The following CSPP1 variants were observed in gnomAD, a reference collection of about 807,000 sequenced individuals.
The protein encoded by CSPP1 is centrosome and spindle pole associated protein 1.
Under a neutral mutation model 164.4 loss-of-function variants are expected in CSPP1, and 126 were observed. The observed-to-expected ratio is 0.77, with a 90% CI of 0.66 to 0.89. The LOEUF (loss-of-function observed/expected upper bound fraction) is 0.89, where lower values mean the gene tolerates loss of function less well. Ranked by LOEUF, CSPP1 falls within the 40% of genes least tolerant of loss-of-function variation. The probability of loss-of-function intolerance (pLI) is 0.00; values close to 1 mark genes in which losing one functional copy is unlikely to be tolerated. For synonymous variants in CSPP1, 472 were observed against 476.7 expected (o/e 0.99, Z 0.13); for missense variants, 1,395 against 1,449.8 (o/e 0.96, Z 0.61).
intron 9 of CSPP1, among the ~76,000 whole-genome samples, chr8:67,106,383 G>C (rs149384276): frequency 2.6e-5 from 4 of 151,810 alleles, no homozygotes; most frequent in Admixed American, 6.6e-5. Flanking sequence ...CAGTGTGGCT[G>C]TTTCTTTTCT....
At position 67,142,344 on chromosome 8, in the gene CSPP1, A is replaced by G. The variant is rs716891; in HGVS notation, c.1975+4741A>G. 6.2e-4 allele frequency among the ~76,000 whole-genome samples: 94 copies of G among 152,324 alleles called. 2 individuals are homozygous for G. Among genetic ancestry groups the G allele is most frequent in the South Asian group, 6.0e-3 (29 of 4,830 alleles). On this transcript the variant is annotated intron_variant, in intron 17 of 30. Coordinates refer to ENST00000678616, the MANE Select transcript of CSPP1 (RefSeq NM_001382391.1). Reference sequence around the variant, plus strand: ...GGTATCTCATAGTTCCAATTGATTAACAGGATGATTAGTTAGTCAGTTCTC... The same window carrying G: ...GGTATCTCATAGTTCCAATTGATTAGCAGGATGATTAGTTAGTCAGTTCTC...
At chr8:67,185,962 T>G (rs1403411223) in intron 28 of CSPP1, among the ~76,000 whole-genome samples, 2 of 152,136 alleles carry the variant, frequency 1.3e-5, no homozygotes, top group Non-Finnish European at 2.9e-5. Context: ...CCTTTGCACT[T>G]AAAGCAAAAA....
At chr8:67,074,871 C>T (rs1585839584) in intron 2 of CSPP1, 1 of 219,178 alleles carries the variant, frequency 4.6e-6, no homozygotes, top group South Asian at 5.0e-5. Context: ...ACCTCCGCCT[C>T]CCAGGCTCAA....
At chr8:67,175,627 G>C in intron 26 of CSPP1, 191 bp downstream of exon 26, 1 of 711,330 alleles carries the variant, frequency 1.4e-6, no homozygotes. Flanking sequence ...GCTCCACTAG[G>C]GTGGTGTATT....
chr8:67,177,966 G>A (rs534199574), intron 27 of CSPP1, among the ~76,000 whole-genome samples: 5 of 152,266 alleles, frequency 3.3e-5, no homozygotes, highest in South Asian at 2.1e-4. Flanking sequence ...TTTTAGCTGC[G>A]TGACTTAGGG....
chr8:67,145,616 C>T (rs1017418782), intron 17 of CSPP1, among the ~76,000 whole-genome samples: 1 of 151,750 alleles, frequency 6.6e-6, no homozygotes, highest in African/African-American at 2.4e-5. Flanking sequence ...CTCCGCCTCC[C>T]GGGTTCAAGT....
chr8:67,123,713 G>A (rs1395270698), intron 15 of CSPP1, among the ~76,000 whole-genome samples: 1 of 150,048 alleles, frequency 6.7e-6, no homozygotes. Flanking sequence ...CTGGGCTCAA[G>A]CAATCCTTCC....
intron 28 of CSPP1, among the ~76,000 whole-genome samples, chr8:67,190,394 G>A (rs987454812): frequency 6.6e-5 from 10 of 152,050 alleles, no homozygotes; most frequent in Non-Finnish European, 1.5e-4. Context: ...GTGTTTGCCC[G>A]GGGCCAGCAG....
At chr8:67,173,160 G>A (rs554618972) in intron 25 of CSPP1, among the ~76,000 whole-genome samples, 61 of 152,188 alleles carry the variant, frequency 4.0e-4, no homozygotes, top group Non-Finnish European at 7.6e-4. Flanking sequence ...GGGATCAGGA[G>A]CTGGAAGAGT....
Position 67,131,935 on chromosome 8 carries a change from T to C in CSPP1, c.1698-16T>C. 2 of 1,571,662 alleles carry C rather than the reference T, an allele frequency of 1.3e-6. No homozygotes were observed. Among genetic ancestry groups the C allele is most frequent in the Non-Finnish European group, 1.7e-6 (2 of 1,157,474 alleles). On this transcript the variant is annotated splice_polypyrimidine_tract_variant and intron_variant, in intron 15 of 30. Transcript: ENST00000678616. The stretch of plus-strand genomic sequence containing the variant: ...TCGTCAATGGATTTAAATTATTTAT[T>C]GTGTATTTGATGTAGGAATACGGTT...
chr8:67,065,909 G>A (rs1332519442), intron 1 of CSPP1, among the ~76,000 whole-genome samples: 1 of 152,118 alleles, frequency 6.6e-6, no homozygotes, highest in African/African-American at 2.4e-5. Context: ...GGCTACTTTC[G>A]GTACAGTTTT....
intron 3 of CSPP1, among the ~76,000 whole-genome samples, chr8:67,077,979 G>A (rs1243596879): frequency 6.6e-6 from 1 of 152,058 alleles, no homozygotes; most frequent in African/African-American, 2.4e-5. Flanking sequence ...TTATATATTG[G>A]TAAAATTTTT....
At chr8:67,160,006 C>CTT (rs1365677123) in intron 21 of CSPP1, among the ~76,000 whole-genome samples, 1 of 67,562 alleles carries the variant, frequency 1.5e-5, no homozygotes, top group African/African-American at 8.4e-5. Flanking sequence ...CTTTTCTTTT[C>CTT]TTTTCTTTTC....
rs1447418520 is a variant in CSPP1, at chr8:67,195,751, A to C, written c.*158A>C. Reference sequence around the variant, plus strand: ...TTATCATGATGTATATTATGTACATAAATAAAAGGCCATGATTATTGATTT... The same window carrying C: ...TTATCATGATGTATATTATGTACATCAATAAAAGGCCATGATTATTGATTT... On this transcript the variant is annotated 3_prime_UTR_variant, in exon 31 of 31. Transcript: ENST00000678616. 1 of 610,726 alleles carries C rather than the reference A, an allele frequency of 1.6e-6. No homozygotes were observed. The highest frequency in any genetic ancestry group is 2.9e-6 in the Non-Finnish European group (1 of 341,072). The allele number at this position is 610,726 out of a possible 1,614,324, so 37.8% of individuals were successfully genotyped here.
At chr8:67,070,663 G>A (rs1266013080) in intron 1 of CSPP1, among the ~76,000 whole-genome samples, 1 of 150,660 alleles carries the variant, frequency 6.6e-6, no homozygotes, top group Non-Finnish European at 1.5e-5. Context: ...AAAAGAAATT[G>A]GCCAGAATTT....
At chr8:67,126,264 T>C (rs1820039988) in intron 15 of CSPP1, among the ~76,000 whole-genome samples, 1 of 152,252 alleles carries the variant, frequency 6.6e-6, no homozygotes, top group Admixed American at 6.5e-5. Flanking sequence ...TTTCCCCGTA[T>C]GTATGGCTTA....
rs77081267 is a variant in CSPP1, at chr8:67,131,886, C to T, written c.1698-65C>T. ...TTATATGCCATGCTATTTCAAAAAA[C>T]TGTTGTATTTTCTTCTTGCTTTGTC... On this transcript the variant is annotated intron_variant, in intron 15 of 30. Coordinates refer to ENST00000678616, the MANE Select transcript of CSPP1 (RefSeq NM_001382391.1). The T allele has an allele frequency of 0.015, 21,115 of 1,392,158 alleles. 620 individuals carry two copies. The highest frequency in any genetic ancestry group is 0.08 in the African/African-American group (5,474 of 68,846). 86.2% of individuals were successfully genotyped at this position (1,392,158 alleles called of 1,614,324 possible).
At chr8:67,126,590 A>G (rs1236738061) in intron 15 of CSPP1, among the ~76,000 whole-genome samples, 2 of 152,138 alleles carry the variant, frequency 1.3e-5, no homozygotes, top group Admixed American at 6.5e-5. Context: ...GGCAATTTAC[A>G]TCTTTGTTTT....
intron 22 of CSPP1, 88 bp downstream of exon 22, chr8:67,162,003 G>A: frequency 1.1e-6 from 1 of 873,774 alleles, no homozygotes; most frequent in Non-Finnish European, 1.8e-6. Flanking sequence ...ATTATATTTG[G>A]ATAGGTTAAA....
Sources: allele counts gnomAD v4.1 joint callset (sites outside exome capture counted in the v4.1 genomes callset), GRCh38; gene constraint gnomAD v4.1.1; transcripts MANE v1.5; gene names NCBI Gene and HGNC (gene_info 2026-07-23, HGNC 2026-07-21).